FANCA: variants seen among roughly 807,000 people sequenced by gnomAD.
FANCA encodes FA complementation group A.
In FANCA, 236 loss-of-function variants were observed where a neutral mutation model predicts 194.3. That is an observed-to-expected ratio of 1.21 (90% CI 1.09 to 1.35). The LOEUF is 1.35. Ranked by LOEUF, FANCA falls within the 40% of genes most tolerant of loss-of-function variation. FANCA has a pLI of 0.00. For missense variants in FANCA, 2,628 were observed against 1,813.9 expected (o/e 1.45, Z -8.15); for synonymous variants, 1,014 against 715.8 (o/e 1.42, Z -6.65).
Position 89,814,408 on chromosome 16 carries a change from T to C in FANCA, c.283+112A>G. On this transcript the variant is annotated intron_variant, in intron 3 of 42. Coordinates refer to ENST00000389301, the MANE Select transcript of FANCA (RefSeq NM_000135.4). ...TAGAATTTGCGACTACACACACCAG[T>C]GGAAACCCATCGCCTGAGAAAATTT... The C allele has an allele frequency of 2.3e-5, 18 of 787,184 alleles. 1 individual carries two copies. The South Asian group carries it at 3.0e-4, about 13-fold the overall frequency. 48.8% of individuals were successfully genotyped at this position (787,184 alleles called of 1,614,324 possible). A position where few individuals can be genotyped will look rare whatever the true frequency, so the allele number is the denominator to read the frequency against.
In FANCA at chr16:89,740,884, C is replaced by T. The variant is rs759441149; in HGVS notation, c.3766-18G>A. 2.6e-5 allele frequency: 41 copies of T among 1,600,300 alleles called. No homozygotes were observed. The South Asian group carries it at 3.9e-4, about 15-fold the overall frequency. ...ACCAATAGCTGTAAATAAAAACGTG[C>T]ACTTATTATTACATTAAAATTACCT... is the stretch of plus-strand genomic sequence containing the variant. On this transcript the variant is annotated intron_variant, in intron 37 of 42. Coordinates refer to ENST00000389301, the MANE Select transcript of FANCA (RefSeq NM_000135.4).
At chr16:89,751,765 AAT>A (rs1376696192) in intron 31 of FANCA, among the ~76,000 whole-genome samples, 1 of 150,192 alleles carries the variant, frequency 6.7e-6, no homozygotes, top group Non-Finnish European at 1.5e-5. Context: ...GCCAACAATA[AAT>A]ATCTTTTTTT....
intron 11 of FANCA, among the ~76,000 whole-genome samples, 189 bp downstream of exon 11, chr16:89,795,717 A>C (rs952703308): frequency 3.9e-5 from 6 of 152,242 alleles, no homozygotes; most frequent in Non-Finnish European, 8.8e-5. Context: ...TCTTATAAAA[A>C]TCTGTTGCTT....
intron 7 of FANCA, 81 bp from the exon 8 acceptor site, chr16:89,803,422 G>T: frequency 7.7e-7 from 1 of 1,306,054 alleles, no homozygotes. Flanking sequence ...ATCCACTTCA[G>T]AGGGGCGGGT....
At chr16:89,791,358 T>C (rs1364745527) in intron 14 of FANCA, 45 bp downstream of exon 14, 3 of 1,607,764 alleles carry the variant, frequency 1.9e-6, no homozygotes, top group South Asian at 1.1e-5. Context: ...TCCCAGGCCT[T>C]CTGGGAAGAT....
chr16:89,738,203 C>G lies in FANCA; in HGVS notation c.*398G>C, dbSNP rs17227431. 3.7e-6 allele frequency: 6 copies of G among 1,611,368 alleles called. No individual in the cohort carries two copies. Among genetic ancestry groups the G allele is most frequent in the Non-Finnish European group, 4.2e-6 (5 of 1,179,188 alleles). ...CCACCACCTGGGCCACCGAGCCCCT[C>G]TGTGACCACAGAGGGCCAGGCGGTG... On this transcript the variant is annotated 3_prime_UTR_variant, in exon 43 of 43. Transcript: ENST00000389301.
intron 2 of FANCA, 98 bp downstream of exon 2, chr16:89,815,779 C>T (rs1032922525): frequency 5.8e-6 from 6 of 1,033,010 alleles, no homozygotes; most frequent in Admixed American, 3.4e-5. Flanking sequence ...CCACCGCGCC[C>T]GCCGCCTCGG....
At chr16:89,741,033 T>A (rs2062120419) in intron 37 of FANCA, 167 bp from the exon 38 acceptor site, 4 of 663,984 alleles carry the variant, frequency 6.0e-6, no homozygotes, top group Non-Finnish European at 2.7e-6. Flanking sequence ...ACAGCTTAAT[T>A]GAGAATTAAT....
chr16:89,796,146 C>A, intron 10 of FANCA, 128 bp from the exon 11 acceptor site: 1 of 732,104 alleles, frequency 1.4e-6, no homozygotes. Context: ...CTTGGCCAGG[C>A]CACTATAACC....
intron 5 of FANCA, 156 bp downstream of exon 5, chr16:89,810,551 C>T: frequency 1.5e-6 from 1 of 668,746 alleles, no homozygotes; most frequent in South Asian, 1.7e-5. Context: ...CTTTCCAATC[C>T]ACAGATGATT....
intron 22 of FANCA, 150 bp downstream of exon 22, chr16:89,773,121 C>A: frequency 1.5e-6 from 1 of 688,404 alleles, no homozygotes; most frequent in South Asian, 1.6e-5. Flanking sequence ...AAAGGTTCCA[C>A]ACCCGCCAGC....
intron 30 of FANCA, 24 bp from the exon 31 acceptor site, chr16:89,752,246 C>T (rs775068951): frequency 6.3e-7 from 1 of 1,594,022 alleles, no homozygotes; most frequent in Non-Finnish European, 8.6e-7. Context: ...ACAATAAAAT[C>T]CTCCTCAGTA....
intron 35 of FANCA, among the ~76,000 whole-genome samples, chr16:89,746,161 T>C (rs1167078182): frequency 2.6e-5 from 4 of 152,168 alleles, no homozygotes; most frequent in African/African-American, 9.7e-5. Flanking sequence ...GTGAAGTCTC[T>C]GCTCCGAAGT....
rs577636020 is a variant in FANCA, at chr16:89,765,073, CAG to C, written c.2602-9_2602-8del. ...TGAACATGAGGAACTGAAACTGAAA[CAG>C]AGAGTGACCCGGCCGTTTCTTCATT... is the stretch of plus-strand genomic sequence containing the variant. On this transcript the variant is annotated splice_polypyrimidine_tract_variant and splice_region_variant and intron_variant, in intron 27 of 42. Coordinates refer to ENST00000389301, the MANE Select transcript of FANCA (RefSeq NM_000135.4). 921 of 1,613,836 alleles carry C rather than the reference CAG, an allele frequency of 5.7e-4. No homozygotes were observed. Among genetic ancestry groups the C allele is most frequent in the South Asian group, 9.8e-4 (89 of 91,046 alleles).
intron 23 of FANCA, 70 bp from the exon 24 acceptor site, chr16:89,770,704 G>A (rs35069151): frequency 2.1e-5 from 28 of 1,326,750 alleles, no homozygotes; most frequent in Middle Eastern, 3.7e-4. Context: ...GCCGGCCAGC[G>A]CTCCCGCCAC....
intron 25 of FANCA, 22 bp downstream of exon 25, chr16:89,770,144 C>T: frequency 1.3e-6 from 2 of 1,575,620 alleles, no homozygotes; most frequent in African/African-American, 1.3e-5. Flanking sequence ...CCAAGGGTGG[C>T]CCCCATGAAG....
At chr16:89,807,981 C>T (rs1480398727) in intron 6 of FANCA, among the ~76,000 whole-genome samples, 1 of 152,226 alleles carries the variant, frequency 6.6e-6, no homozygotes, top group Non-Finnish European at 1.5e-5. Flanking sequence ...TTGCTTGAAC[C>T]CTGGAGGTGG....
chr16:89,770,685 A>C, intron 23 of FANCA, 51 bp from the exon 24 acceptor site: 1 of 1,507,832 alleles, frequency 6.6e-7, no homozygotes, highest in Non-Finnish European at 9.0e-7. Flanking sequence ...CGGGAGCAGC[A>C]GGAAGGAAGC....
At chr16:89,799,850 G>A (rs61173050) in intron 8 of FANCA, among the ~76,000 whole-genome samples, 10 of 152,288 alleles carry the variant, frequency 6.6e-5, no homozygotes, top group South Asian at 4.1e-4. Flanking sequence ...AAAATTAGCC[G>A]GGCGCAGTGG....
Sources: gnomAD v4.1 joint callset for allele counts (sites outside exome capture counted in the v4.1 genomes callset) on GRCh38, gnomAD v4.1.1 for gene constraint, MANE v1.5 for transcripts, NCBI Gene and HGNC (gene_info 2026-07-23, HGNC 2026-07-21) for gene names.